The following NEBL variants were observed in gnomAD, a reference collection of about 807,000 sequenced individuals.
NEBL encodes the protein nebulette.
A neutral mutation model predicts 140.2 loss-of-function variants in NEBL; 122 were observed. The ratio of observed to expected loss-of-function variants is 0.87; its 90% confidence interval spans 0.75 to 1.01. NEBL has a LOEUF of 1.01. NEBL is among the 50% of genes least tolerant of loss of function. The probability of loss-of-function intolerance (pLI) is 0.00; values close to 1 mark genes in which losing one functional copy is unlikely to be tolerated. For missense variants in NEBL, 1,365 were observed against 1,231.3 expected, an observed-to-expected ratio of 1.11 and a Z score of -1.62; for synonymous variants, 436 against 398.9, an observed-to-expected ratio of 1.09 and a Z score of -1.11.
chr10:20,979,807 A>G (rs1189867129), intron 3 of NEBL, among the ~76,000 whole-genome samples: 9 of 152,260 alleles, frequency 5.9e-5, no homozygotes, highest in South Asian at 2.1e-4. Flanking sequence ...CTTGTGCTCA[A>G]GCAATCCTCC....
In NEBL at chr10:20,780,312, A is replaced by C. The variant is rs1468823448; in HGVS notation, c.*5435T>G. On this transcript the variant is annotated 3_prime_UTR_variant, in exon 28 of 28. Transcript: ENST00000377122. The stretch of plus-strand genomic sequence containing the variant: ...ATGAATAGAAGAAAATTAGAATTGT[A>C]CTATTGAGGACATATGAGGAATTTA... The C allele has an allele frequency of 6.6e-6, 1 of 152,236 alleles. No homozygotes were observed. Among genetic ancestry groups the C allele is most frequent in the Non-Finnish European group, 1.5e-5 (1 of 68,040 alleles). The allele number at this position is 152,236 out of a possible 1,614,324, so 9.4% of individuals were successfully genotyped here.
chr10:20,823,178 T>C (rs1336461898), intron 19 of NEBL, 30 bp downstream of exon 19: 7 of 1,529,178 alleles, frequency 4.6e-6, no homozygotes, highest in Non-Finnish European at 6.3e-6. Flanking sequence ...ACAATAAAAT[T>C]TTTAAAAAAT....
At chr10:21,033,175 G>A (rs993050480) in intron 2 of NEBL, among the ~76,000 whole-genome samples, 2 of 152,188 alleles carry the variant, frequency 1.3e-5, no homozygotes, top group Non-Finnish European at 2.9e-5. Context: ...AACCGGCACT[G>A]TTGATTACAG....
intron 4 of NEBL, among the ~76,000 whole-genome samples, chr10:20,938,752 T>A (rs1285488399): frequency 6.6e-6 from 1 of 152,132 alleles, no homozygotes; most frequent in Non-Finnish European, 1.5e-5. Context: ...AAGGACCTGA[T>A]GGAGCTGAAA....
At chr10:20,862,137 G>A (rs1184663741) in intron 7 of NEBL, among the ~76,000 whole-genome samples, 1 of 152,096 alleles carries the variant, frequency 6.6e-6, no homozygotes, top group Admixed American at 6.6e-5. Context: ...TCCACGCCAT[G>A]GTAAGGTTAA....
At chr10:21,232,781 G>A (rs920654684) in intron 3 of NEBL, among the ~76,000 whole-genome samples, 1 of 152,176 alleles carries the variant, frequency 6.6e-6, no homozygotes, top group Non-Finnish European at 1.5e-5. Context: ...GCAAAAGAGT[G>A]ACATGGTCTG....
chr10:21,174,331 G>A (rs1486849368), upstream of NEBL: 2 of 152,282 alleles, frequency 1.3e-5, no homozygotes, highest in Non-Finnish European at 2.9e-5. Context: ...GCGGCCTGGG[G>A]AGTGAGCCTC....
intron 26 of NEBL, among the ~76,000 whole-genome samples, chr10:20,804,981 C>T (rs1837469833): frequency 6.6e-6 from 1 of 152,230 alleles, no homozygotes; most frequent in East Asian, 1.9e-4. Context: ...AGGCAACTAT[C>T]ATTGTCCAAA....
intron 2 of NEBL, chr10:21,030,892 A>G (rs1167342326): frequency 1.1e-5 from 3 of 265,236 alleles, no homozygotes; most frequent in African/African-American, 2.2e-5. Context: ...GCACTCACCA[A>G]TCAAAAATGG....
chr10:20,846,054 C>A (rs776112053), intron 11 of NEBL, among the ~76,000 whole-genome samples: 11 of 152,102 alleles, frequency 7.2e-5, no homozygotes, highest in Non-Finnish European at 1.3e-4. Flanking sequence ...TAGCTGGGGG[C>A]TTAGATTCAG....
At chr10:20,885,987 G>C (rs143459763) in intron 4 of NEBL, among the ~76,000 whole-genome samples, 46 of 152,268 alleles carry the variant, frequency 3.0e-4, no homozygotes, top group Middle Eastern at 3.4e-3. Flanking sequence ...ACACTTAAAG[G>C]TGTTCTGCAA....
chr10:21,202,825 G>A (rs7916826), intron 3 of NEBL, among the ~76,000 whole-genome samples: 28,472 of 151,992 alleles, frequency 0.19, 3,829 homozygotes, highest in African/African-American at 0.38. Flanking sequence ...GACTAATTTT[G>A]CTTTGAACTT....
intron 26 of NEBL, among the ~76,000 whole-genome samples, chr10:20,802,920 T>C (rs1474224646): frequency 2.6e-5 from 4 of 152,200 alleles, no homozygotes; most frequent in African/African-American, 7.2e-5. Context: ...CTGCTTCTTG[T>C]TCTGCGCCAT....
chr10:20,812,810 G>C lies in NEBL; in HGVS notation c.2477C>G (p.Pro826Arg). ...VSDAAYKGVH[P>R]HIVEMDRRPG... ...TCTCCTGTCCATCTCCACGATGTGA[G>C]GGTGGACCCCTTTATAGGCAGCATC... Residue 826 changes from proline (P) to arginine (R), a missense_variant, in exon 24 of 28, where the codon CCT (proline) becomes CGT (arginine). Pro to Arg is a moderately radical substitution (Grantham distance 103). This residue lies in a region of NEBL where 1,323 missense variants were observed against 1,154.8 expected (regional missense o/e 1.15). Coordinates refer to ENST00000377122, the MANE Select transcript of NEBL (RefSeq NM_006393.3). The C allele has an allele frequency of 1.2e-6, 2 of 1,613,960 alleles. No homozygotes were observed. Among genetic ancestry groups the C allele is most frequent in the Non-Finnish European group, 1.7e-6 (2 of 1,179,944 alleles).
In NEBL at chr10:20,785,922, C is replaced by G; in HGVS notation, c.2870G>C (p.Arg957Thr). The change falls in exon 28 of 28, where the codon AGG (arginine) becomes ACG (threonine). Residue 957 changes from arginine to threonine, a missense_variant and splice_region_variant. Transcript: ENST00000377122. ...GTAATCGTACATGGCTCGGTAGGTC[C>G]TCTGAGAAAGGAAGAAGGGATTATA... is the stretch of plus-strand genomic sequence containing the variant. The part of the protein sequence containing the change: ...MRSMQHSPNL[R>T]TYRAMYDYSA... 1.2e-6 allele frequency: 2 copies of G among 1,613,752 alleles called. No individual in the cohort carries two copies. The highest frequency in any genetic ancestry group is 1.7e-6 in the Non-Finnish European group (2 of 1,179,766).
chr10:21,230,924 G>A (rs1050063730), intron 3 of NEBL, among the ~76,000 whole-genome samples: 1 of 151,898 alleles, frequency 6.6e-6, no homozygotes, highest in Non-Finnish European at 1.5e-5. Flanking sequence ...CTTAAGAAAC[G>A]AAAAGGAACC....
In NEBL at chr10:21,137,844, G is replaced by C. The variant is rs535496392; in HGVS notation, c.164+34539C>G. Among the ~76,000 whole-genome samples the C allele has an allele frequency of 3.3e-5, 5 of 151,600 alleles. No individual in the cohort carries two copies. The East Asian group carries it at 7.8e-4, about 24-fold the overall frequency. ...TGTGATCTCAGCTTCTCGGGAGGCAGAGGTAGAAGTATCACTTAAGCCTGG... is the reference window on the plus strand; with the variant it reads ...TGTGATCTCAGCTTCTCGGGAGGCACAGGTAGAAGTATCACTTAAGCCTGG... On this transcript the variant is annotated intron_variant, in intron 2 of 6. Transcript: ENST00000417816.
intron 2 of NEBL, among the ~76,000 whole-genome samples, chr10:21,131,412 G>T (rs932041115): frequency 6.6e-6 from 1 of 152,050 alleles, no homozygotes; most frequent in African/African-American, 2.4e-5. Flanking sequence ...TTGCCCTAAT[G>T]CCAAAACCAG....
intron 12 of NEBL, chr10:20,841,624 A>C (rs896890816): frequency 2.6e-5 from 4 of 152,164 alleles, no homozygotes; most frequent in African/African-American, 7.2e-5. Context: ...GATGATGATG[A>C]TGATAGCGAT....
Sources: gnomAD v4.1 joint callset for allele counts (sites outside exome capture counted in the v4.1 genomes callset) on GRCh38, gnomAD v4.1.1 for gene constraint, gnomAD v4.1.1 regional missense constraint, MANE v1.5 for transcripts, NCBI Gene and HGNC (gene_info 2026-07-23, HGNC 2026-07-21) for gene names.